Variants in SMOC2 observed in about 807,000 individuals in gnomAD.
SMOC2 encodes the protein SPARC-related modular calcium-binding protein 2.
A neutral mutation model predicts 61.4 loss-of-function variants in SMOC2; 39 were observed. That is an observed-to-expected ratio of 0.64 (90% CI 0.49 to 0.83). The LOEUF is 0.83. SMOC2 is among the 40% of genes least tolerant of loss of function. The pLI, the probability that SMOC2 is intolerant of heterozygous loss-of-function variation, is 0.00. For missense variants in SMOC2, 556 were observed against 592.9 expected (o/e 0.94, Z 0.65); for synonymous variants, 247 against 239.9 (o/e 1.03, Z -0.27).
intron 5 of SMOC2, 93 bp from the exon 6 acceptor site, chr6:168,547,026 G>A (rs1271175504): frequency 1.5e-5 from 23 of 1,484,744 alleles, no homozygotes; most frequent in Non-Finnish European, 2.1e-5. Flanking sequence ...TGGGGACTGA[G>A]TGCAAGTCCT....
chr6:168,482,022 A>T (rs879279815), intron 1 of SMOC2, among the ~76,000 whole-genome samples: 1 of 151,890 alleles, frequency 6.6e-6, no homozygotes, highest in Non-Finnish European at 1.5e-5. Context: ...TAGCAGAAGG[A>T]ACTACATAAT....
intron 1 of SMOC2, among the ~76,000 whole-genome samples, chr6:168,481,481 C>T (rs907461563): frequency 6.6e-6 from 1 of 151,906 alleles, no homozygotes; most frequent in African/African-American, 2.4e-5. Context: ...ATATAATCCT[C>T]ATGGTAACTA....
At position 168,558,099 on chromosome 6, in the gene SMOC2, T is replaced by C. The variant is rs560200887; in HGVS notation, c.637+8896T>C. On this transcript the variant is annotated intron_variant, in intron 7 of 12. Transcript: ENST00000356284. ...TACTCCACCAGGCAAGGGACTGGCT[T>C]CAGAAGCGATCTCATGGTAAACAGC... 2.1e-3 allele frequency among the ~76,000 whole-genome samples: 326 copies of C among 152,314 alleles called. 3 individuals are homozygous for C. The highest frequency in any genetic ancestry group is 7.5e-3 in the African/African-American group (310 of 41,568).
intron 1 of SMOC2, 40 bp from the exon 2 acceptor site, chr6:168,509,875 T>C (rs1469839376): frequency 6.4e-7 from 1 of 1,572,294 alleles, no homozygotes; most frequent in South Asian, 1.2e-5. Flanking sequence ...CTGAAGAATG[T>C]GTCTTTAAAT....
chr6:168,569,382 T>C (rs1784616090), intron 7 of SMOC2, among the ~76,000 whole-genome samples: 1 of 152,200 alleles, frequency 6.6e-6, no homozygotes, highest in African/African-American at 2.4e-5. Context: ...ATTGGGGTTT[T>C]TTTAATTGTT....
chr6:168,523,078 A>ATTTC (rs1486722259), intron 2 of SMOC2, among the ~76,000 whole-genome samples: 1 of 40,800 alleles, frequency 2.5e-5, no homozygotes, highest in African/African-American at 4.5e-5. Flanking sequence ...GTTGTACAGT[A>ATTTC]ATTTTTTTTT....
At chr6:168,613,433 C>G (rs543143584) in intron 9 of SMOC2, among the ~76,000 whole-genome samples, 1 of 152,104 alleles carries the variant, frequency 6.6e-6, no homozygotes, top group East Asian at 1.9e-4. Context: ...GTACCCCAAG[C>G]CAGGGTCCTC....
intron 11 of SMOC2, chr6:168,655,591 C>T (rs958865487): frequency 2.6e-5 from 9 of 348,662 alleles, no homozygotes; most frequent in African/African-American, 1.7e-4. Context: ...ATACCCGGCA[C>T]ATGTGTGCCA....
intron 1 of SMOC2, among the ~76,000 whole-genome samples, chr6:168,441,740 CG>C (rs991746594): frequency 1.3e-5 from 2 of 152,172 alleles, no homozygotes; most frequent in African/African-American, 4.8e-5. Flanking sequence ...CCACCTGCCT[CG>C]GGGGCTCTGA....
At chr6:168,508,812 C>T (rs1022619108) in intron 1 of SMOC2, among the ~76,000 whole-genome samples, 3 of 152,244 alleles carry the variant, frequency 2.0e-5, no homozygotes, top group South Asian at 2.1e-4. Flanking sequence ...CAGAGGGCCA[C>T]GTACTACCAT....
At position 168,475,937 on chromosome 6, in the gene SMOC2, T is replaced by C. The variant is rs992599521; in HGVS notation, c.85-33978T>C. 2.6e-5 allele frequency among the ~76,000 whole-genome samples: 4 copies of C among 151,744 alleles called. No individual in the cohort carries two copies. ...GCAGGAGCAGGTGGACCAGGAGGCG[T>C]GGAAGGGCTGAGGTTTGCTAACCGT... is the stretch of plus-strand genomic sequence containing the variant. On this transcript the variant is annotated intron_variant, in intron 1 of 12. Transcript: ENST00000356284. The surrounding 1 kb of genome is among the most constrained non-coding windows in gnomAD (Gnocchi z 4.6).
chr6:168,577,741 G>C (rs1328427576), intron 7 of SMOC2, among the ~76,000 whole-genome samples: 1 of 152,180 alleles, frequency 6.6e-6, no homozygotes, highest in African/African-American at 2.4e-5. Flanking sequence ...ACCCTGCAGT[G>C]CTGAGGGCAA....
rs541845461 is a variant in SMOC2 at position 168,475,731 on chromosome 6, T to C, written c.85-34184T>C. On this transcript the variant is annotated intron_variant, in intron 1 of 12. Coordinates refer to ENST00000356284, the MANE Select transcript of SMOC2 (RefSeq NM_001166412.2). This position sits in a 1 kb window ranked among gnomAD's most constrained non-coding sequence, Gnocchi z 4.6. ...TGTGGGTCGAGGACACTGCTCGGCGTTAGAAGAAGAAGTAGTGAAGGGCAG... is the reference window on the plus strand; with the variant it reads ...TGTGGGTCGAGGACACTGCTCGGCGCTAGAAGAAGAAGTAGTGAAGGGCAG... Among the ~76,000 whole-genome samples the C allele has an allele frequency of 9.3e-5, 14 of 151,244 alleles. No individual in the cohort carries two copies. Among genetic ancestry groups the C allele is most frequent in the Non-Finnish European group, 2.1e-4 (14 of 67,708 alleles).
intron 9 of SMOC2, among the ~76,000 whole-genome samples, chr6:168,622,635 T>G (rs533409115): frequency 1.3e-5 from 2 of 152,200 alleles, no homozygotes; most frequent in African/African-American, 4.8e-5. Flanking sequence ...ACTGTTGCCG[T>G]GTCAAGAAAG....
intron 4 of SMOC2, among the ~76,000 whole-genome samples, chr6:168,529,965 T>C (rs1426136841): frequency 1.3e-5 from 2 of 152,246 alleles, no homozygotes; most frequent in African/African-American, 4.8e-5. Flanking sequence ...ATGGCTAATC[T>C]GCAGTATGCA....
chr6:168,659,687 A>T (rs1263181819), intron 11 of SMOC2, among the ~76,000 whole-genome samples: 3 of 120,468 alleles, frequency 2.5e-5, no homozygotes, highest in Non-Finnish European at 5.3e-5. Context: ...TGGAGGTTGT[A>T]GGTAGGGTGA....
intron 2 of SMOC2, among the ~76,000 whole-genome samples, chr6:168,515,636 C>A (rs1350545562): frequency 1.3e-5 from 2 of 152,298 alleles, no homozygotes; most frequent in African/African-American, 4.8e-5. Flanking sequence ...TAGGCCTCGC[C>A]CTGAGGGGCC....
At chr6:168,611,047 G>T (rs1785846867) in intron 9 of SMOC2, among the ~76,000 whole-genome samples, 1 of 152,202 alleles carries the variant, frequency 6.6e-6, no homozygotes, top group Non-Finnish European at 1.5e-5. Flanking sequence ...ATCACACTCT[G>T]GTTGGTGTTT....
chr6:168,664,208 C>T (rs987307311), intron 12 of SMOC2, 97 bp downstream of exon 12: 13 of 639,378 alleles, frequency 2.0e-5, no homozygotes, highest in African/African-American at 6.5e-5. Flanking sequence ...CAGTACCTTC[C>T]AAGAAAATCC....
Sources: allele counts gnomAD v4.1 joint callset (sites outside exome capture counted in the v4.1 genomes callset), GRCh38; gene constraint gnomAD v4.1.1; non-coding constraint Gnocchi (gnomAD v3.1); transcripts MANE v1.5; gene names NCBI Gene and HGNC (gene_info 2026-07-23, HGNC 2026-07-21).